Variants in GPBP1L1 observed in about 807,000 individuals in gnomAD.
GPBP1L1 encodes vasculin-like protein 1.
GPBP1L1 carries 23 observed loss-of-function variants against 52.5 expected under a neutral mutation model. That is an observed-to-expected ratio of 0.44 (90% CI 0.32 to 0.62). GPBP1L1 has a LOEUF of 0.62. Among genes scored for constraint, GPBP1L1 ranks in the 20% least tolerant of loss-of-function variants. GPBP1L1 has a pLI of 0.06. For missense variants in GPBP1L1, 596 were observed against 579.3 expected, an observed-to-expected ratio of 1.03 and a Z score of -0.30; for synonymous variants, 243 against 203.1, an observed-to-expected ratio of 1.20 and a Z score of -1.67.
intron 11 of GPBP1L1, among the ~76,000 whole-genome samples, chr1:45,630,042 C>G (rs1019765574): frequency 7.9e-5 from 12 of 152,096 alleles, no homozygotes; most frequent in African/African-American, 2.9e-4. Flanking sequence ...CCTCCGCCTC[C>G]CGGGTTCAAG....
At chr1:45,677,521 G>A (rs1645161794) in intron 2 of GPBP1L1, among the ~76,000 whole-genome samples, 1 of 151,814 alleles carries the variant, frequency 6.6e-6, no homozygotes, top group Non-Finnish European at 1.5e-5. Flanking sequence ...AAAACAAAGA[G>A]AAAGTACCTA....
At chr1:45,629,011 C>A (rs1015061126) in intron 12 of GPBP1L1, among the ~76,000 whole-genome samples, 1 of 152,208 alleles carries the variant, frequency 6.6e-6, no homozygotes, top group East Asian at 1.9e-4. Flanking sequence ...CTCACATCAG[C>A]TTGTGCCATG....
intron 2 of GPBP1L1, among the ~76,000 whole-genome samples, chr1:45,679,196 G>GA (rs1557723946): frequency 3.0e-5 from 1 of 32,938 alleles, no homozygotes; most frequent in South Asian, 8.3e-4. Context: ...TGTCTGACAA[G>GA]TTTAAAAAGG....
At chr1:45,639,864 C>T (rs1245618869) in intron 8 of GPBP1L1, among the ~76,000 whole-genome samples, 2 of 150,812 alleles carry the variant, frequency 1.3e-5, no homozygotes, top group East Asian at 1.9e-4. Flanking sequence ...GGTGACAGAG[C>T]GAGGCTCCAT....
At chr1:45,630,817 G>A in intron 10 of GPBP1L1, 1 of 542,764 alleles carries the variant, frequency 1.8e-6, no homozygotes, top group Non-Finnish European at 3.3e-6. Flanking sequence ...ATCCAGAACA[G>A]CCAACACAAT....
In GPBP1L1 at chr1:45,628,408, G is replaced by A; in HGVS notation, c.1273C>T (p.Leu425=). ...TTCTTTCCAAAGCCATTTCTTCTCAGCTATGGTTAGCATGGGAGAGAAAGA... is the reference window on the plus strand; with the variant it reads ...TTCTTTCCAAAGCCATTTCTTCTCAACTATGGTTAGCATGGGAGAGAAAGA... ...LKEFHMKTEQ[L]RRNGFGKNGF... Residue 425 remains leucine (L), a splice_region_variant and synonymous_variant, in exon 13 of 13, where the codon CTG becomes TTG. Transcript: ENST00000355105. 1.9e-6 allele frequency: 3 copies of A among 1,613,552 alleles called. No homozygotes were observed. Among genetic ancestry groups the A allele is most frequent in the Non-Finnish European group, 2.5e-6 (3 of 1,179,908 alleles).
At chr1:45,668,028 G>A (rs991073947) in intron 2 of GPBP1L1, among the ~76,000 whole-genome samples, 4 of 151,962 alleles carry the variant, frequency 2.6e-5, no homozygotes, top group East Asian at 3.8e-4. Context: ...TGTGAGCCAC[G>A]CCTGCCCTCT....
intron 2 of GPBP1L1, among the ~76,000 whole-genome samples, chr1:45,682,743 T>C (rs1187424311): frequency 2.0e-5 from 3 of 152,182 alleles, no homozygotes; most frequent in Non-Finnish European, 4.4e-5. Context: ...ACGTTTGAAA[T>C]CACCTATAAA....
At chr1:45,651,293 AC>A in intron 6 of GPBP1L1, 1 of 390,464 alleles carries the variant, frequency 2.6e-6, no homozygotes, top group Non-Finnish European at 4.9e-6. Context: ...GCAGTAAGGG[AC>A]CCCCATTTTA....
In GPBP1L1 at chr1:45,627,830, ATTAAT is replaced by A. The variant is rs1351821589; in HGVS notation, c.*421_*425del. ...AAAATAAAATATCCAAATTATTAGC[ATTAAT>A]TTAATACAATTATAACTTCAATAGT... On this transcript the variant is annotated 3_prime_UTR_variant, in exon 13 of 13. Coordinates refer to ENST00000355105, the MANE Select transcript of GPBP1L1 (RefSeq NM_021639.5). 1.3e-5 allele frequency: 2 copies of A among 153,460 alleles called. No individual in the cohort carries two copies. The highest frequency in any genetic ancestry group is 4.8e-5 in the African/African-American group (2 of 41,514). 9.5% of individuals were successfully genotyped at this position (153,460 alleles called of 1,614,324 possible).
intron 6 of GPBP1L1, among the ~76,000 whole-genome samples, chr1:45,652,688 G>GT (rs899861675): frequency 6.6e-6 from 1 of 150,840 alleles, no homozygotes; most frequent in Non-Finnish European, 1.5e-5. Flanking sequence ...AAGGAAAGTT[G>GT]TTTTTTAATA....
intron 6 of GPBP1L1, among the ~76,000 whole-genome samples, chr1:45,643,160 C>T (rs1644695543): frequency 6.6e-6 from 1 of 152,022 alleles, no homozygotes; most frequent in South Asian, 2.1e-4. Flanking sequence ...TTTAAGAATC[C>T]TTAAAGATGA....
Position 45,658,318 on chromosome 1 carries a change from T to C in GPBP1L1, c.60+710A>G, listed in dbSNP as rs116463924. Among the ~76,000 whole-genome samples the C allele has an allele frequency of 2.1e-3, 314 of 152,298 alleles. 2 individuals are homozygous for C. Among genetic ancestry groups the C allele is most frequent in the African/African-American group, 7.4e-3 (307 of 41,558 alleles). On this transcript the variant is annotated intron_variant, in intron 4 of 12. Coordinates refer to ENST00000355105, the MANE Select transcript of GPBP1L1 (RefSeq NM_021639.5). ...ATGTGTGTTCACTCCAAAGGTCTGT[T>C]TACCCAAGTGCCATTCCCCTTTTAC...
At chr1:45,680,499 A>T (rs908381221) in intron 2 of GPBP1L1, among the ~76,000 whole-genome samples, 4 of 152,100 alleles carry the variant, frequency 2.6e-5, no homozygotes, top group African/African-American at 9.7e-5. Flanking sequence ...TCAGCCTCCC[A>T]AAGTGCTGGC....
rs1468729046 is a variant in GPBP1L1 at position 45,640,191 on chromosome 1, C to A, written c.744+19G>T. 2 of 1,596,030 alleles carry A rather than the reference C, an allele frequency of 1.3e-6. No homozygotes were observed. Among genetic ancestry groups the A allele is most frequent in the East Asian group, 2.2e-5 (1 of 44,716 alleles). On this transcript the variant is annotated intron_variant, in intron 8 of 12. Coordinates refer to ENST00000355105, the MANE Select transcript of GPBP1L1 (RefSeq NM_021639.5). ...AAACCTCTCTTGTATAAGGTTCTTG[C>A]CCTGATTCTAAATCATACCTTGGAA... is the stretch of plus-strand genomic sequence containing the variant.
chr1:45,683,264 G>A (rs1006145929), intron 2 of GPBP1L1, among the ~76,000 whole-genome samples: 3 of 134,404 alleles, frequency 2.2e-5, no homozygotes, highest in African/African-American at 8.4e-5. Context: ...CCAGGTTGGA[G>A]CGCAGATCTC....
At chr1:45,658,221 C>G (rs1456527195) in intron 4 of GPBP1L1, among the ~76,000 whole-genome samples, 1 of 152,192 alleles carries the variant, frequency 6.6e-6, no homozygotes, top group Non-Finnish European at 1.5e-5. Flanking sequence ...AGGATTTAAT[C>G]TGAGATCCAT....
At chr1:45,666,059 A>C (rs1378953039) in intron 2 of GPBP1L1, among the ~76,000 whole-genome samples, 1 of 152,024 alleles carries the variant, frequency 6.6e-6, no homozygotes, top group Non-Finnish European at 1.5e-5. Context: ...ACCCCTCAAA[A>C]ACCAGTCTAA....
intron 12 of GPBP1L1, 120 bp downstream of exon 12, chr1:45,629,456 C>A (rs1300322418): frequency 3.4e-5 from 3 of 88,166 alleles, no homozygotes; most frequent in South Asian, 3.1e-4. Flanking sequence ...TAAGGTAATC[C>A]CCCCCCCCCC....
Sources: gnomAD v4.1 joint callset for allele counts (sites outside exome capture counted in the v4.1 genomes callset) on GRCh38, gnomAD v4.1.1 for gene constraint, MANE v1.5 for transcripts, NCBI Gene and HGNC (gene_info 2026-07-23, HGNC 2026-07-21) for gene names.